The following ZFAT variants were observed in gnomAD, a reference collection of about 807,000 sequenced individuals.
The protein encoded by ZFAT is zinc finger protein ZFAT.
Under a neutral mutation model 117.7 loss-of-function variants are expected in ZFAT, and 64 were observed. That is an observed-to-expected ratio of 0.54 (90% CI 0.44 to 0.67). The LOEUF is 0.67. Ranked by LOEUF, ZFAT falls within the 30% of genes least tolerant of loss-of-function variation. The probability of loss-of-function intolerance (pLI) is 0.00; values close to 1 mark genes in which losing one functional copy is unlikely to be tolerated. For synonymous variants in ZFAT, 679 were observed against 615.0 expected (o/e 1.10, Z -1.54); for missense variants, 1,433 against 1,584.5 (o/e 0.90, Z 1.62).
chr8:134,820,826 T>A, the ZFAT span, among the ~76,000 whole-genome samples: 3 of 152,222 alleles, frequency 2.0e-5, no homozygotes, highest in African/African-American at 7.2e-5. Context: ...GCCTTCCTTA[T>A]GAAAAGTGCC....
the ZFAT span, chr8:134,784,776 C>CT: frequency 6.6e-6 from 1 of 152,066 alleles, no homozygotes; most frequent in African/African-American, 2.4e-5. Flanking sequence ...ATATAGGAGA[C>CT]TGGTAGTTCA....
intron 1 of ZFAT, among the ~76,000 whole-genome samples, chr8:134,670,026 G>C (rs1259779369): frequency 6.6e-6 from 1 of 152,210 alleles, no homozygotes; most frequent in African/African-American, 2.4e-5. Context: ...TAATGGTAAA[G>C]GGACCAATTC....
At chr8:134,496,565 C>T (rs753959409) in intron 15 of ZFAT, among the ~76,000 whole-genome samples, 6 of 152,222 alleles carry the variant, frequency 3.9e-5, no homozygotes, top group Non-Finnish European at 8.8e-5. Flanking sequence ...CCCACTAGCT[C>T]AGCTTCCCAA....
At chr8:134,729,870 C>A in the ZFAT span, among the ~76,000 whole-genome samples, 2 of 152,174 alleles carry the variant, frequency 1.3e-5, no homozygotes, top group East Asian at 3.8e-4. Context: ...CTTGTCCTGA[C>A]GCTTACATGA....
intron 15 of ZFAT, among the ~76,000 whole-genome samples, chr8:134,482,270 A>T (rs1378523475): frequency 6.6e-6 from 1 of 152,138 alleles, no homozygotes; most frequent in African/African-American, 2.4e-5. Flanking sequence ...GCGTTTAGGG[A>T]TGTCTGTCAA....
At chr8:134,671,837 T>C (rs1004589251) in intron 1 of ZFAT, among the ~76,000 whole-genome samples, 2,919 of 152,300 alleles carry the variant, frequency 0.019, 115 homozygotes, top group African/African-American at 0.067. Context: ...GATGACATGA[T>C]TGTATATTTA....
chr8:134,592,606 A>T (rs1190504183), intron 7 of ZFAT, among the ~76,000 whole-genome samples: 2 of 152,190 alleles, frequency 1.3e-5, no homozygotes, highest in Non-Finnish European at 2.9e-5. Context: ...AAAGACATAG[A>T]GTGTTTAGAA....
chr8:134,597,054 A>G (rs1281027560), intron 7 of ZFAT, among the ~76,000 whole-genome samples: 1 of 152,196 alleles, frequency 6.6e-6, no homozygotes, highest in Non-Finnish European at 1.5e-5. Flanking sequence ...TGTAAAATAT[A>G]TCTTGATAAA....
At position 134,648,154 on chromosome 8, in the gene ZFAT, C is replaced by G. The variant is rs1452847861; in HGVS notation, c.196+9407G>C. On this transcript the variant is annotated intron_variant, in intron 2 of 15. Transcript: ENST00000377838. ...AACAAATCATCACTGTAAACTTACA[C>G]AATTTTGTCAAGTATACCTTAATAA... Among the ~76,000 whole-genome samples, 7 of 151,732 alleles carry G rather than the reference C, an allele frequency of 4.6e-5. No individual in the cohort carries two copies. The East Asian group carries it at 1.4e-3, about 29-fold the overall frequency.
chr8:134,637,319 GA>G, intron 3 of ZFAT, 141 bp downstream of exon 3: 1 of 1,111,484 alleles, frequency 9.0e-7, no homozygotes, highest in Non-Finnish European at 1.3e-6. Flanking sequence ...TCATCATTAG[GA>G]AAATAAGCAC....
the ZFAT span, among the ~76,000 whole-genome samples, chr8:134,831,507 C>T: frequency 6.6e-6 from 1 of 152,242 alleles, no homozygotes; most frequent in Non-Finnish European, 1.5e-5. Context: ...CGGCCTCTCT[C>T]ACTCCCGGCC....
At chr8:134,663,015 G>A (rs1288063314) in intron 1 of ZFAT, among the ~76,000 whole-genome samples, 1 of 152,238 alleles carries the variant, frequency 6.6e-6, no homozygotes, top group Non-Finnish European at 1.5e-5. Flanking sequence ...CAAGGGTGGT[G>A]GAGTCTGCTG....
intron 1 of ZFAT, among the ~76,000 whole-genome samples, chr8:134,688,797 G>A (rs1833460129): frequency 6.6e-6 from 1 of 152,160 alleles, no homozygotes; most frequent in African/African-American, 2.4e-5. Flanking sequence ...ATCAAGAGAA[G>A]GAAGAGACCA....
chr8:134,831,149 C>T, the ZFAT span, among the ~76,000 whole-genome samples: 1 of 152,182 alleles, frequency 6.6e-6, no homozygotes, highest in Non-Finnish European at 1.5e-5. Context: ...CTTCGGTGTC[C>T]TCCTATTTTG....
chr8:134,571,842 A>G (rs1178864194), intron 10 of ZFAT, among the ~76,000 whole-genome samples: 1 of 152,260 alleles, frequency 6.6e-6, no homozygotes, highest in African/African-American at 2.4e-5. Flanking sequence ...ACACAGTGTT[A>G]AAAATGGAAG....
intron 1 of ZFAT, among the ~76,000 whole-genome samples, chr8:134,687,352 T>C (rs1392705338): frequency 6.6e-6 from 1 of 152,236 alleles, no homozygotes; most frequent in Non-Finnish European, 1.5e-5. Context: ...CAGCATCAGC[T>C]ATAATTAGGG....
At chr8:134,623,552 G>A (rs940128383) in intron 3 of ZFAT, among the ~76,000 whole-genome samples, 1 of 152,050 alleles carries the variant, frequency 6.6e-6, no homozygotes, top group Non-Finnish European at 1.5e-5. Flanking sequence ...ATTCACCCTG[G>A]TCCCCAGCCA....
chr8:134,565,075 G>C, intron 11 of ZFAT: 1 of 1,452,424 alleles, frequency 6.9e-7, no homozygotes, highest in East Asian at 3.0e-5. Context: ...TTTATGCAAA[G>C]ATCGTGCCTT....
At chr8:134,810,785 A>G in the ZFAT span, among the ~76,000 whole-genome samples, 2 of 152,252 alleles carry the variant, frequency 1.3e-5, no homozygotes, top group Non-Finnish European at 2.9e-5. Flanking sequence ...CAATGTGCAG[A>G]TGTTAAAAGC....
Sources: allele counts gnomAD v4.1 joint callset (sites outside exome capture counted in the v4.1 genomes callset), GRCh38; gene constraint gnomAD v4.1.1; transcripts MANE v1.5; gene names NCBI Gene and HGNC (gene_info 2026-07-23, HGNC 2026-07-21).